Variants in GSE1 observed in about 807,000 individuals in gnomAD.
GSE1 encodes Gse1 coiled-coil protein.
A neutral mutation model predicts 112.6 loss-of-function variants in GSE1; 32 were observed. The observed-to-expected ratio is 0.28, with a 90% CI of 0.21 to 0.38. The LOEUF is 0.38. GSE1 is among the 10% of genes least tolerant of loss of function. The pLI is 1.00. For missense variants in GSE1, 2,348 were observed against 1,699.2 expected, an observed-to-expected ratio of 1.38 and a Z score of -6.71; for synonymous variants, 1,115 against 735.6, an observed-to-expected ratio of 1.52 and a Z score of -8.35.
intron 7 of GSE1, 40 bp downstream of exon 7, chr16:85,656,705 G>A: frequency 6.9e-7 from 1 of 1,454,948 alleles, no homozygotes; most frequent in Non-Finnish European, 9.0e-7. Context: ...CAAGGTCTCA[G>A]CCACCCGCGG....
intron 2 of GSE1, among the ~76,000 whole-genome samples, chr16:85,544,229 C>T (rs543974848): frequency 2.0e-5 from 3 of 152,206 alleles, no homozygotes; most frequent in Non-Finnish European, 4.4e-5. Context: ...ATGCACGGGA[C>T]AGTCCCCGCA....
chr16:85,221,622 C>T (rs1204101094), intron 1 of GSE1, among the ~76,000 whole-genome samples: 1 of 152,222 alleles, frequency 6.6e-6, no homozygotes, highest in African/African-American at 2.4e-5. Context: ...CTACCCACAT[C>T]CCCTGACGAG....
At position 85,169,683 on chromosome 16, in the gene GSE1, C is replaced by G. The variant is rs886276643; in HGVS notation, c.159C>G (p.Gly53=). The G allele has an allele frequency of 1.1e-5, 11 of 983,288 alleles. No homozygotes were observed. In the African/African-American group the frequency reaches 1.9e-4, roughly 17 times the overall value. 60.9% of individuals were successfully genotyped at this position (983,288 alleles called of 1,614,324 possible). ...TGCAGGTGAAGCAGCCGGCGGCGGG[C>G]GCGGGGACCCCGGCGCAGCCCTTCT... The change falls in exon 1 of 3, where the codon GGC becomes GGG. Residue 53 remains glycine, a synonymous_variant. Transcript: ENST00000637419.
exon 1 of GSE1, chr16:85,169,548 C>T: frequency 4.1e-6 from 4 of 968,936 alleles, no homozygotes; most frequent in Non-Finnish European, 4.9e-6. Flanking sequence ...CGGCCCCGGT[C>T]TCCCGCAAGC....
At chr16:85,463,067 C>T (rs928997454) in intron 2 of GSE1, 6 of 984,366 alleles carry the variant, frequency 6.1e-6, no homozygotes, top group East Asian at 2.3e-4. Context: ...TCCCGCGGCC[C>T]GGGGGGCGGC....
intron 2 of GSE1, among the ~76,000 whole-genome samples, chr16:85,634,999 C>G (rs1432614120): frequency 1.3e-5 from 2 of 152,262 alleles, no homozygotes; most frequent in East Asian, 3.9e-4. Context: ...GCTTCATTCA[C>G]CTCCAAGGCC....
intron 2 of GSE1, among the ~76,000 whole-genome samples, chr16:85,479,034 T>C (rs2050590025): frequency 7.7e-6 from 1 of 130,324 alleles, no homozygotes; most frequent in Non-Finnish European, 1.6e-5. Flanking sequence ...CTTCCTTCCT[T>C]CCTTCCAGAT....
intron 3 of GSE1, among the ~76,000 whole-genome samples, chr16:85,651,091 C>CGCCCCTCCTCCCCCTCCCCCTCT (rs1567721282): frequency 7.1e-6 from 1 of 141,322 alleles, no homozygotes; most frequent in Non-Finnish European, 1.6e-5. Flanking sequence ...CCTCCCCCTC[C>CGCCCCTCCTCCCCCTCCCCCTCT]GCCTTCTTTC....
At chr16:85,468,141 G>A (rs1041437893) in intron 2 of GSE1, among the ~76,000 whole-genome samples, 1 of 151,752 alleles carries the variant, frequency 6.6e-6, no homozygotes, top group Non-Finnish European at 1.5e-5. Flanking sequence ...CACCTTTTGG[G>A]TCTCAGGTGT....
chr16:85,294,073 C>T (rs905606153), intron 1 of GSE1, among the ~76,000 whole-genome samples: 2 of 152,188 alleles, frequency 1.3e-5, no homozygotes, highest in African/African-American at 4.8e-5. Flanking sequence ...AATGAGAAAA[C>T]ACCGGCAAAG....
In GSE1 at chr16:85,671,236, C is replaced by T. The variant is rs139704692; in HGVS notation, c.3519+138C>T. 5.8e-4 allele frequency: 304 copies of T among 527,550 alleles called. 1 individual carries two copies. The highest frequency in any genetic ancestry group is 4.0e-4 in the South Asian group (18 of 44,702). The allele number at this position is 527,550 out of a possible 1,614,324, so 32.7% of individuals were successfully genotyped here. ...TTGGCGGATCACGAGGTCAGGAGAT[C>T]GAGACCATCCCGGCTAAAACGGTGA... On this transcript the variant is annotated intron_variant, in intron 15 of 15. Transcript: ENST00000253458.
chr16:85,315,570 A>C (rs2045967953), intron 1 of GSE1, among the ~76,000 whole-genome samples: 1 of 152,034 alleles, frequency 6.6e-6, no homozygotes, highest in African/African-American at 2.4e-5. Flanking sequence ...AGTGATGGGG[A>C]CAAGAGTAAC....
At chr16:85,617,632 C>A (rs1296891831) in intron 1 of GSE1, among the ~76,000 whole-genome samples, 2 of 120,828 alleles carry the variant, frequency 1.7e-5, no homozygotes, top group Non-Finnish European at 3.2e-5. Context: ...ACGTGCAGCC[C>A]AAGCTGAGAC....
At chr16:85,269,428 A>ATGAGTGTGTGGGTGTG (rs1908597999) in intron 1 of GSE1, among the ~76,000 whole-genome samples, 1 of 136,340 alleles carries the variant, frequency 7.3e-6, no homozygotes. Flanking sequence ...GCCTGTTAGC[A>ATGAGTGTGTGGGTGTG]TGAGTGTGTG....
Position 85,407,999 on chromosome 16 carries a change from C to T in GSE1, c.2464+50356C>T, listed in dbSNP as rs1470838182. ...ATAATCCTCACTGTTACACTCAGGGCCCCCTGGATAATCCTCACTGTTACA... is the reference window on the plus strand; with the variant it reads ...ATAATCCTCACTGTTACACTCAGGGTCCCCTGGATAATCCTCACTGTTACA... On this transcript the variant is annotated intron_variant, in intron 2 of 2. Coordinates refer to the GSE1 transcript ENST00000637419. Among the ~76,000 whole-genome samples the T allele has an allele frequency of 5.7e-5, 3 of 53,080 alleles. 1 individual carries two copies. The highest frequency in any genetic ancestry group is 1.2e-4 in the Non-Finnish European group (3 of 25,776). 34.8% of individuals were successfully genotyped at this position (53,080 alleles called of 152,430 possible). A position where few individuals can be genotyped will look rare whatever the true frequency, so the allele number is the denominator to read the frequency against.
In GSE1 at chr16:85,189,165, T is replaced by C. The variant is rs552964788; in HGVS notation, c.2283+17358T>C. 4.6e-5 allele frequency among the ~76,000 whole-genome samples: 7 copies of C among 152,362 alleles called. No homozygotes were observed. In the East Asian group the frequency reaches 7.7e-4, roughly 17 times the overall value. On this transcript the variant is annotated intron_variant, in intron 1 of 2. Coordinates refer to the GSE1 transcript ENST00000637419. ...CCTATTTTCCTGCTCCGGGGAGCCT[T>C]CTTTGCTGGCTCCTGCCAGCTGAAG...
In GSE1 at chr16:85,251,270, G is replaced by A. The variant is rs148722016; in HGVS notation, c.2283+79463G>A. On this transcript the variant is annotated intron_variant, in intron 1 of 2. Transcript: ENST00000637419. ...CCCTCAGGCTGCTTTGTCCTCCCAC[G>A]GATGCCCTCAAGGTGACAAAGCCTG... is the stretch of plus-strand genomic sequence containing the variant. 1.8e-3 allele frequency among the ~76,000 whole-genome samples: 281 copies of A among 152,190 alleles called. 4 individuals carry two copies. The East Asian group carries it at 0.048, about 26-fold the overall frequency.
intron 9 of GSE1, among the ~76,000 whole-genome samples, 170 bp downstream of exon 9, chr16:85,661,935 C>G (rs767334703): frequency 6.6e-6 from 1 of 152,180 alleles, no homozygotes; most frequent in African/African-American, 2.4e-5. Flanking sequence ...ATGACACCCT[C>G]GTAGGGGAGG....
intron 1 of GSE1, among the ~76,000 whole-genome samples, chr16:85,352,718 A>G (rs748938315): frequency 6.6e-6 from 1 of 152,222 alleles, no homozygotes; most frequent in Non-Finnish European, 1.5e-5. Context: ...GGTGCTGAGC[A>G]GGAGATAATC....
Sources: gnomAD v4.1 joint callset for allele counts (sites outside exome capture counted in the v4.1 genomes callset) on GRCh38, gnomAD v4.1.1 for gene constraint, MANE v1.5 for transcripts, NCBI Gene and HGNC (gene_info 2026-07-23, HGNC 2026-07-21) for gene names.